KCNN2: variants seen among roughly 807,000 people sequenced by gnomAD.
KCNN2 encodes small conductance calcium-activated potassium channel protein 2.
In KCNN2, 24 loss-of-function variants were observed where a neutral mutation model predicts 55.5. The ratio of observed to expected loss-of-function variants is 0.43; its 90% CI spans 0.31 to 0.61. The LOEUF (loss-of-function observed/expected upper bound fraction) is 0.61. KCNN2 is among the 20% of genes least tolerant of loss of function. The pLI, the probability that KCNN2 is intolerant of heterozygous loss-of-function variation, is 0.08. For missense variants in KCNN2, 754 were observed against 853.6 expected (o/e 0.88, Z 1.45); for synonymous variants, 431 against 336.1 (o/e 1.28, Z -3.09).
At chr5:114,191,105 A>G (rs919090095) in intron 1 of KCNN2, among the ~76,000 whole-genome samples, 38 of 152,354 alleles carry the variant, frequency 2.5e-4, no homozygotes, top group African/African-American at 7.7e-4. Flanking sequence ...GATGTAAAGA[A>G]CTTAGAATAC....
At chr5:114,301,935 G>C (rs568465990) in intron 2 of KCNN2, among the ~76,000 whole-genome samples, 2 of 152,138 alleles carry the variant, frequency 1.3e-5, no homozygotes, top group African/African-American at 2.4e-5. Context: ...AAAAATCCTT[G>C]CGAGATATGA....
intron 3 of KCNN2, among the ~76,000 whole-genome samples, chr5:114,444,147 C>T (rs1377053804): frequency 6.6e-6 from 1 of 152,156 alleles, no homozygotes; most frequent in East Asian, 1.9e-4. Context: ...CCCACTTATT[C>T]ATTCACCAAG....
At chr5:114,149,500 G>A (rs183532019) in intron 1 of KCNN2, among the ~76,000 whole-genome samples, 8 of 152,210 alleles carry the variant, frequency 5.3e-5, no homozygotes, top group Non-Finnish European at 1.2e-4. Flanking sequence ...CCGTGATGCC[G>A]CCAATGCACT....
intron 1 of KCNN2, among the ~76,000 whole-genome samples, chr5:114,108,898 G>C (rs1393305164): frequency 6.6e-6 from 1 of 152,030 alleles, no homozygotes; most frequent in Non-Finnish European, 1.5e-5. Flanking sequence ...TGGAACCATT[G>C]GGTCATAAGA....
intron 3 of KCNN2, among the ~76,000 whole-genome samples, chr5:114,446,958 A>G (rs1009787161): frequency 6.6e-6 from 1 of 152,202 alleles, no homozygotes; most frequent in Non-Finnish European, 1.5e-5. Flanking sequence ...TTAAAAATCT[A>G]GTTCCTCATT....
chr5:114,362,736 C>A lies in KCNN2; in HGVS notation c.597C>A (p.Pro199=), dbSNP rs773664390. Residue 199 remains proline, a synonymous_variant, in exon 1 of 8, where the codon CCC becomes CCA. Transcript: ENST00000673685. ...CGGCGCACCACCAGCACCACCAGCC[C>A]CAGGCGCGCCGCGAGAGCAACCCCT... ...PHPAHHQHHQ[P]QARRESNPFT... is the part of the protein sequence containing the mutation. The A allele has an allele frequency of 2.0e-6, 3 of 1,535,832 alleles. No individual in the cohort carries two copies. The highest frequency in any genetic ancestry group is 2.6e-6 in the Non-Finnish European group (3 of 1,148,546).
chr5:114,424,946 A>G (rs1220750351), intron 3 of KCNN2, among the ~76,000 whole-genome samples: 1 of 152,220 alleles, frequency 6.6e-6, no homozygotes, highest in Non-Finnish European at 1.5e-5. Context: ...GACAAGCCTG[A>G]GTATACCTCC....
chr5:114,274,986 T>A (rs1477053473), intron 2 of KCNN2, among the ~76,000 whole-genome samples: 1 of 152,202 alleles, frequency 6.6e-6, no homozygotes, highest in Non-Finnish European at 1.5e-5. Context: ...TAAATAGCTC[T>A]TATTATTTTG....
At chr5:114,169,148 T>C (rs2112540950) in intron 1 of KCNN2, among the ~76,000 whole-genome samples, 1 of 152,260 alleles carries the variant, frequency 6.6e-6, no homozygotes, top group Admixed American at 6.5e-5. Context: ...CCCTGCTTCC[T>C]GTACAGCCTG....
At chr5:114,219,644 C>G (rs908189422) in intron 1 of KCNN2, among the ~76,000 whole-genome samples, 2 of 151,870 alleles carry the variant, frequency 1.3e-5, no homozygotes, top group Non-Finnish European at 2.9e-5. Context: ...GCCATATGTG[C>G]TTTAGGAAGA....
rs1755955386 is a variant in KCNN2, at chr5:114,294,125, G to T, written c.-184-66820G>T. On this transcript the variant is annotated intron_variant, in intron 2 of 10. Coordinates refer to the KCNN2 transcript ENST00000512097. ...TTGCTAGCGGTCTATCAATTTTGTT[G>T]ATCTTTTCAAAAAAACAGCTCCTGG... Among the ~76,000 whole-genome samples, 8 of 151,818 alleles carry T rather than the reference G, an allele frequency of 5.3e-5. No individual in the cohort carries two copies. The South Asian group carries it at 1.7e-3, about 32-fold the overall frequency.
chr5:114,091,731 G>A (rs1412762607), intron 1 of KCNN2, among the ~76,000 whole-genome samples: 1 of 152,154 alleles, frequency 6.6e-6, no homozygotes, highest in Admixed American at 6.5e-5. Flanking sequence ...TCTTCACGAG[G>A]TGGCAGGAAG....
intron 1 of KCNN2, among the ~76,000 whole-genome samples, chr5:114,185,660 A>C (rs928784616): frequency 6.6e-6 from 1 of 152,236 alleles, no homozygotes; most frequent in African/African-American, 2.4e-5. Flanking sequence ...GCCGTGGGAC[A>C]GACAAGAACC....
At chr5:114,138,375 T>A (rs1252720628) in intron 1 of KCNN2, among the ~76,000 whole-genome samples, 1 of 152,174 alleles carries the variant, frequency 6.6e-6, no homozygotes, top group Non-Finnish European at 1.5e-5. Context: ...GCCCTGTGCT[T>A]GATACCTAGA....
At chr5:114,443,912 C>T (rs1013897440) in intron 3 of KCNN2, among the ~76,000 whole-genome samples, 12 of 152,094 alleles carry the variant, frequency 7.9e-5, no homozygotes, top group Non-Finnish European at 1.3e-4. Context: ...GGGTTGGGAC[C>T]CAATTATTAA....
chr5:114,057,902 C>G (rs958801686), intron 1 of KCNN2, among the ~76,000 whole-genome samples: 1 of 152,152 alleles, frequency 6.6e-6, no homozygotes, highest in Admixed American at 6.5e-5. Flanking sequence ...TTGGCAATAT[C>G]AAGTGGTTGA....
chr5:114,491,003 C>CA (rs1184263391), intron 6 of KCNN2, among the ~76,000 whole-genome samples: 1 of 152,062 alleles, frequency 6.6e-6, no homozygotes, highest in African/African-American at 2.4e-5. Flanking sequence ...AAGAAACAAA[C>CA]AACAAGACAA....
intron 1 of KCNN2, among the ~76,000 whole-genome samples, chr5:114,195,618 A>G (rs2112567069): frequency 6.6e-6 from 1 of 151,996 alleles, no homozygotes; most frequent in African/African-American, 2.4e-5. Context: ...AAATTATGTC[A>G]CCTATGAAGA....
At chr5:114,257,254 T>C (rs1379024273) in intron 2 of KCNN2, among the ~76,000 whole-genome samples, 2 of 152,114 alleles carry the variant, frequency 1.3e-5, no homozygotes, top group African/African-American at 2.4e-5. Flanking sequence ...CTGTTTTGGT[T>C]ACTACACCCT....
Sources: allele counts gnomAD v4.1 joint callset (sites outside exome capture counted in the v4.1 genomes callset), GRCh38; gene constraint gnomAD v4.1.1; transcripts MANE v1.5; gene names NCBI Gene and HGNC (gene_info 2026-07-23, HGNC 2026-07-21).